Variants in CLEC16A observed in about 807,000 individuals in gnomAD.
CLEC16A encodes the protein protein CLEC16A.
CLEC16A carries 51 observed loss-of-function variants against 109.5 expected under a neutral mutation model. The ratio of observed to expected loss-of-function variants is 0.47; its 90% CI spans 0.37 to 0.59. The LOEUF (loss-of-function observed/expected upper bound fraction) is 0.59, where lower values mean the gene tolerates loss of function less well. Among genes scored for constraint, CLEC16A ranks in the 20% least tolerant of loss-of-function variants. CLEC16A has a pLI of 0.00. For synonymous variants in CLEC16A, 673 were observed against 564.2 expected (o/e 1.19, Z -2.73); for missense variants, 1,339 against 1,394.0 (o/e 0.96, Z 0.63).
rs78848704 is a variant in CLEC16A at position 11,174,948 on chromosome 16, C to T, written c.2807-3387C>T. Among the ~76,000 whole-genome samples, 60 of 152,362 alleles carry T rather than the reference C, an allele frequency of 3.9e-4. No homozygotes were observed. The highest frequency in any genetic ancestry group is 6.5e-4 in the Non-Finnish European group (44 of 68,034). ...CATCCCTGCTGCCTCCCCTATGACG[C>T]TTCTTCTGTGGTTTCTGATGCGCTT... On this transcript the variant is annotated intron_variant, in intron 23 of 23. Transcript: ENST00000409790. This position sits in a 1 kb window ranked among gnomAD's most constrained non-coding sequence, Gnocchi z 4.7.
intron 22 of CLEC16A, among the ~76,000 whole-genome samples, chr16:11,152,661 C>G (rs527735281): frequency 2.5e-4 from 38 of 152,342 alleles, no homozygotes; most frequent in African/African-American, 8.2e-4. Flanking sequence ...GTAGCATTCA[C>G]ACAGCATCCT....
At chr16:10,972,308 C>G (rs560821046) in intron 5 of CLEC16A, among the ~76,000 whole-genome samples, 1 of 152,322 alleles carries the variant, frequency 6.6e-6, no homozygotes, top group Admixed American at 6.5e-5. Flanking sequence ...CACGCTGGAC[C>G]TCTGGCAACT....
intron 19 of CLEC16A, among the ~76,000 whole-genome samples, chr16:11,095,723 A>G (rs2050566299): frequency 1.3e-5 from 2 of 151,974 alleles, no homozygotes; most frequent in African/African-American, 4.8e-5. Flanking sequence ...GAGGCAAGAG[A>G]ATCACTTGAA....
intron 19 of CLEC16A, among the ~76,000 whole-genome samples, chr16:11,062,855 C>G (rs2048557253): frequency 7.2e-6 from 1 of 139,338 alleles, no homozygotes. Flanking sequence ...ACCAGTCTTT[C>G]TCTGATTTGA....
At chr16:10,951,179 C>A in intron 1 of CLEC16A, among the ~76,000 whole-genome samples, 1 of 152,164 alleles carries the variant, frequency 6.6e-6, no homozygotes, top group East Asian at 1.9e-4. Context: ...TTTCTCTTCT[C>A]CAGGCATTTC....
chr16:11,039,731 T>TA (rs1345105199), intron 13 of CLEC16A, 23 bp from the exon 14 acceptor site: 2 of 1,583,870 alleles, frequency 1.3e-6, no homozygotes, highest in Admixed American at 1.8e-5. Context: ...GGCCTCCACT[T>TA]ACATCCTTCT....
intron 14 of CLEC16A, chr16:11,040,147 A>G: frequency 2.4e-6 from 1 of 414,604 alleles, no homozygotes; most frequent in Non-Finnish European, 4.3e-6. Flanking sequence ...TTTTGCTGAG[A>G]TTGTCAATGT....
chr16:11,144,241 A>C (rs2053960156), intron 22 of CLEC16A, among the ~76,000 whole-genome samples: 2 of 152,216 alleles, frequency 1.3e-5, no homozygotes, highest in Non-Finnish European at 2.9e-5. Flanking sequence ...CAAGGAGCTG[A>C]GTGAACATCC....
intron 22 of CLEC16A, among the ~76,000 whole-genome samples, chr16:11,130,733 G>C (rs565506846): frequency 6.6e-6 from 1 of 152,170 alleles, no homozygotes; most frequent in Non-Finnish European, 1.5e-5. Flanking sequence ...GCCGCACAGC[G>C]CATGGAGTCC....
chr16:11,127,890 A>G (rs1333309337), intron 22 of CLEC16A, among the ~76,000 whole-genome samples: 1 of 152,142 alleles, frequency 6.6e-6, no homozygotes, highest in East Asian at 1.9e-4. Flanking sequence ...GAAAAAAATA[A>G]TCTTAGGCTG....
intron 19 of CLEC16A, among the ~76,000 whole-genome samples, chr16:11,077,575 T>G (rs1252903190): frequency 6.6e-6 from 1 of 151,906 alleles, no homozygotes; most frequent in Non-Finnish European, 1.5e-5. Flanking sequence ...GAGGATCACT[T>G]GAAACCTGGG....
rs754263738 is a variant in CLEC16A, at chr16:11,166,548, A to G, written c.2802A>G (p.Pro934=). 19 of 1,595,578 alleles carry G rather than the reference A, an allele frequency of 1.2e-5. No individual in the cohort carries two copies. Among genetic ancestry groups the G allele is most frequent in the Non-Finnish European group, 1.5e-5 (17 of 1,172,230 alleles). Residue 934 remains proline, a synonymous_variant, in exon 23 of 24, where the codon CCA becomes CCG. Coordinates refer to ENST00000409790, the MANE Select transcript of CLEC16A (RefSeq NM_015226.3). ...SSSTPSTAQS[P]ADAPMSPELP... Reference sequence around the variant, plus strand: ...CCACCCCCTCCACAGCCCAGAGTCCAGCAGGTATTGGCCACGTGACTCAGT... The same window carrying G: ...CCACCCCCTCCACAGCCCAGAGTCCGGCAGGTATTGGCCACGTGACTCAGT...
At chr16:11,086,506 A>G (rs938553292) in intron 19 of CLEC16A, among the ~76,000 whole-genome samples, 2 of 152,164 alleles carry the variant, frequency 1.3e-5, no homozygotes, top group Non-Finnish European at 2.9e-5. Context: ...AGTGGAATTC[A>G]GATGGGGATG....
At chr16:11,155,458 A>T (rs890653203) in intron 22 of CLEC16A, among the ~76,000 whole-genome samples, 1 of 152,216 alleles carries the variant, frequency 6.6e-6, no homozygotes, top group Non-Finnish European at 1.5e-5. Context: ...TCCCCTGCAG[A>T]TAGCAGAAGG....
intron 19 of CLEC16A, among the ~76,000 whole-genome samples, chr16:11,110,239 C>A (rs2051493118): frequency 6.6e-6 from 1 of 152,222 alleles, no homozygotes; most frequent in Non-Finnish European, 1.5e-5. Context: ...ATTGCCCAGA[C>A]CCCCTCCAGA....
intron 11 of CLEC16A, among the ~76,000 whole-genome samples, chr16:11,015,346 G>C (rs983851142): frequency 4.6e-5 from 7 of 151,954 alleles, no homozygotes; most frequent in African/African-American, 1.7e-4. Flanking sequence ...GGTGAGGAAG[G>C]GGGAGCGGTC....
At chr16:11,057,623 A>G (rs2048275997) in intron 18 of CLEC16A, among the ~76,000 whole-genome samples, 1 of 152,232 alleles carries the variant, frequency 6.6e-6, no homozygotes, top group African/African-American at 2.4e-5. Context: ...TTCAAAATCT[A>G]ACCTGTTCTT....
Position 11,174,354 on chromosome 16 carries a change from G to T in CLEC16A, c.2807-3981G>T, listed in dbSNP as rs566578363. On this transcript the variant is annotated intron_variant, in intron 23 of 23. Coordinates refer to ENST00000409790, the MANE Select transcript of CLEC16A (RefSeq NM_015226.3). This position sits in a 1 kb window ranked among gnomAD's most constrained non-coding sequence, Gnocchi z 4.7. ...CATTTCCACAGTCGGCAGGGTCCGC[G>T]CTGGCAAGGTGGGCCAAGCTGGGCC... 31 of 399,272 alleles carry T rather than the reference G, an allele frequency of 7.8e-5. No homozygotes were observed. Among genetic ancestry groups the T allele is most frequent in the Non-Finnish European group, 1.4e-4 (27 of 192,054 alleles). 24.7% of individuals were successfully genotyped at this position (399,272 alleles called of 1,614,324 possible). A position where few individuals can be genotyped will look rare whatever the true frequency, so the allele number is the denominator to read the frequency against.
chr16:10,970,828 C>T (rs1181456322), intron 4 of CLEC16A, among the ~76,000 whole-genome samples: 1 of 152,190 alleles, frequency 6.6e-6, no homozygotes, highest in African/African-American at 2.4e-5. Flanking sequence ...CTCACTGCAG[C>T]CTCCAACTCC....
Sources: allele counts gnomAD v4.1 joint callset (sites outside exome capture counted in the v4.1 genomes callset), GRCh38; gene constraint gnomAD v4.1.1; non-coding constraint Gnocchi (gnomAD v3.1); transcripts MANE v1.5; gene names NCBI Gene and HGNC (gene_info 2026-07-23, HGNC 2026-07-21).